The following TMEM64 variants were observed in gnomAD, a reference collection of about 807,000 sequenced individuals.
TMEM64 encodes the protein transmembrane protein 64.
A neutral mutation model predicts 24.5 loss-of-function variants in TMEM64; 19 were observed. The observed-to-expected ratio is 0.78, with a 90% CI of 0.54 to 1.14. The LOEUF (loss-of-function observed/expected upper bound fraction) is 1.14. Among genes scored for constraint, TMEM64 ranks in the 50% most tolerant of loss-of-function variants. The probability of loss-of-function intolerance (pLI) is 0.00; values close to 1 mark genes in which losing one functional copy is unlikely to be tolerated. For synonymous variants in TMEM64, 262 were observed against 224.7 expected (o/e 1.17, Z -1.49); for missense variants, 487 against 493.0 (o/e 0.99, Z 0.12).
At chr8:90,643,386 CA>C (rs1223720685) in intron 1 of TMEM64, among the ~76,000 whole-genome samples, 1 of 152,184 alleles carries the variant, frequency 6.6e-6, no homozygotes, top group Non-Finnish European at 1.5e-5. Flanking sequence ...CCTCATTTTA[CA>C]AATAAGAAAC....
intron 2 of TMEM64, among the ~76,000 whole-genome samples, chr8:90,627,205 A>G (rs1056228546): frequency 6.6e-6 from 1 of 152,108 alleles, no homozygotes; most frequent in Non-Finnish European, 1.5e-5. Context: ...GGGGGAGGAG[A>G]TAACAGAAGC....
At chr8:90,633,781 A>C (rs1057132314) in intron 1 of TMEM64, among the ~76,000 whole-genome samples, 1 of 152,070 alleles carries the variant, frequency 6.6e-6, no homozygotes, top group Non-Finnish European at 1.5e-5. Context: ...CATTTTCTAC[A>C]TATGTTTTTT....
At chr8:90,626,622 T>TTC (rs1207824418) in intron 2 of TMEM64, among the ~76,000 whole-genome samples, 2 of 133,668 alleles carry the variant, frequency 1.5e-5, no homozygotes, top group Non-Finnish European at 3.1e-5. Context: ...GTACTTTTTT[T>TTC]TTCTTTCTTT....
At chr8:90,632,185 C>T (rs1462904803) in intron 1 of TMEM64, among the ~76,000 whole-genome samples, 1 of 152,172 alleles carries the variant, frequency 6.6e-6, no homozygotes, top group Non-Finnish European at 1.5e-5. Flanking sequence ...CTTGCTCTGT[C>T]GCCCAGAGTG....
chr8:90,641,345 T>C (rs1260783238), intron 1 of TMEM64, among the ~76,000 whole-genome samples: 1 of 150,882 alleles, frequency 6.6e-6, no homozygotes, highest in Non-Finnish European at 1.5e-5. Context: ...ATAATTCTCA[T>C]GTATATGAAA....
chr8:90,624,852 A>G lies in TMEM64; in HGVS notation c.*819T>C, dbSNP rs1021980407. 1 of 152,564 alleles carries G rather than the reference A, an allele frequency of 6.6e-6. No individual in the cohort carries two copies. Among genetic ancestry groups the G allele is most frequent in the Non-Finnish European group, 1.5e-5 (1 of 67,974 alleles). The allele number at this position is 152,564 out of a possible 1,614,324, so 9.5% of individuals were successfully genotyped here. A position where few individuals can be genotyped will look rare whatever the true frequency, so the allele number is the denominator to read the frequency against. The stretch of plus-strand genomic sequence containing the variant: ...GCCTAATTATTAATATAAAAAGGAA[A>G]AGAGTTTATTTTAACAAAATGTTTT... On this transcript the variant is annotated 3_prime_UTR_variant, in exon 3 of 3. Transcript: ENST00000458549.
rs1809561091 is a variant in TMEM64 at position 90,638,867 on chromosome 8, C to A, written c.795+6244G>T. On this transcript the variant is annotated intron_variant, in intron 1 of 2. Coordinates refer to ENST00000458549, the MANE Select transcript of TMEM64 (RefSeq NM_001008495.4). ...CAGCAAAACTTACACCATGATTTAC[C>A]TAGAATGCTATTTCTCCACTGGAAT... Among the ~76,000 whole-genome samples, 3 of 152,188 alleles carry A rather than the reference C, an allele frequency of 2.0e-5. No individual in the cohort carries two copies. In the Middle Eastern group the frequency reaches 0.01, roughly 525 times the overall value.
chr8:90,623,185 CT>C lies in TMEM64; in HGVS notation c.*2485del, dbSNP rs766571308. 2 of 152,066 alleles carry C rather than the reference CT, an allele frequency of 1.3e-5. No homozygotes were observed. The highest frequency in any genetic ancestry group is 2.4e-5 in the African/African-American group (1 of 41,422). The allele number at this position is 152,066 out of a possible 1,614,324, so 9.4% of individuals were successfully genotyped here. A position where few individuals can be genotyped will look rare whatever the true frequency, so the allele number is the denominator to read the frequency against. Reference sequence around the variant, plus strand: ...TCATTTTTAAGTGTGCATTAAGCAACTTTATACTGCACTTTAACAGTCTGAG... The same window carrying C: ...TCATTTTTAAGTGTGCATTAAGCAACTTATACTGCACTTTAACAGTCTGAG... On this transcript the variant is annotated 3_prime_UTR_variant, in exon 3 of 3. Transcript: ENST00000458549.
chr8:90,633,303 T>A (rs764105046), intron 1 of TMEM64, among the ~76,000 whole-genome samples: 10 of 152,210 alleles, frequency 6.6e-5, no homozygotes, highest in Non-Finnish European at 1.2e-4. Context: ...CTAGCAAAAA[T>A]AGTCTGGAAA....
chr8:90,639,826 A>G (rs1396484526), intron 1 of TMEM64, among the ~76,000 whole-genome samples: 1 of 152,230 alleles, frequency 6.6e-6, no homozygotes, highest in Non-Finnish European at 1.5e-5. Context: ...GACAGAAAAA[A>G]CAAACATTGT....
In TMEM64 at chr8:90,625,437, C is replaced by T; in HGVS notation, c.*234G>A. ...CAATTAAAAAACACTAAAGTGCAGA[C>T]CTATAGGCCAATACAGGCATGATAA... On this transcript the variant is annotated 3_prime_UTR_variant, in exon 3 of 3. Transcript: ENST00000458549. 2 of 423,270 alleles carry T rather than the reference C, an allele frequency of 4.7e-6. No homozygotes were observed. The highest frequency in any genetic ancestry group is 3.8e-5 in the Admixed American group (1 of 26,508). The allele number at this position is 423,270 out of a possible 1,614,324, so 26.2% of individuals were successfully genotyped here. A position where few individuals can be genotyped will look rare whatever the true frequency, so the allele number is the denominator to read the frequency against.
chr8:90,643,786 A>C (rs991169702), intron 1 of TMEM64, among the ~76,000 whole-genome samples: 3 of 152,214 alleles, frequency 2.0e-5, no homozygotes, highest in Non-Finnish European at 2.9e-5. Flanking sequence ...TAAGACTAAG[A>C]CTATACCAAA....
chr8:90,641,854 G>T (rs1193864826), intron 1 of TMEM64, among the ~76,000 whole-genome samples: 1 of 152,168 alleles, frequency 6.6e-6, no homozygotes, highest in Non-Finnish European at 1.5e-5. Flanking sequence ...TGGTGAGAAA[G>T]AAATAGTAAA....
At chr8:90,642,720 A>G (rs1809622389) in intron 1 of TMEM64, among the ~76,000 whole-genome samples, 1 of 151,902 alleles carries the variant, frequency 6.6e-6, no homozygotes, top group Non-Finnish European at 1.5e-5. Context: ...GACATAACAG[A>G]CCATATCCAG....
intron 1 of TMEM64, among the ~76,000 whole-genome samples, chr8:90,639,858 C>T (rs540096877): frequency 2.0e-5 from 3 of 152,172 alleles, no homozygotes; most frequent in Admixed American, 1.3e-4. Context: ...TTAATAACCT[C>T]GTTGCTTTTA....
chr8:90,638,486 T>C (rs1057043232), intron 1 of TMEM64, among the ~76,000 whole-genome samples: 2 of 152,212 alleles, frequency 1.3e-5, no homozygotes, highest in Admixed American at 1.3e-4. Flanking sequence ...CAGAACACTA[T>C]ACTTCCCTGT....
At chr8:90,628,284 TAAG>T (rs1250033908) in intron 2 of TMEM64, among the ~76,000 whole-genome samples, 3 of 152,180 alleles carry the variant, frequency 2.0e-5, no homozygotes, top group Non-Finnish European at 2.9e-5. Context: ...GGCAGGAACA[TAAG>T]AAGTTAACAG....
Position 90,645,240 on chromosome 8 carries a change from G to C in TMEM64, c.666C>G (p.Ala222=), listed in dbSNP as rs759659301. The change falls in exon 1 of 3, where the codon GCC becomes GCG. Residue 222 remains alanine, a synonymous_variant. Coordinates refer to ENST00000458549, the MANE Select transcript of TMEM64 (RefSeq NM_001008495.4). This position sits in a 1 kb window ranked among gnomAD's most constrained non-coding sequence, Gnocchi z 4.2. ...VCKRLLTAWV[A]ARIQSSEKLS... ...GCTTCTCGCTGCTCTGGATCCTGGC[G>C]GCCACCCAGGCGGTGAGGAGCCGCT... 2.0e-5 allele frequency: 32 copies of C among 1,613,752 alleles called. 1 individual carries two copies. In the South Asian group the frequency reaches 3.4e-4, roughly 17 times the overall value.
At position 90,645,838 on chromosome 8, in the gene TMEM64, C is replaced by G. The variant is rs910901439; in HGVS notation, c.68G>C (p.Gly23Ala). 3 of 1,096,762 alleles carry G rather than the reference C, an allele frequency of 2.7e-6. No individual in the cohort carries two copies. In the African/African-American group the frequency reaches 5.0e-5, roughly 18 times the overall value. 67.9% of individuals were successfully genotyped at this position (1,096,762 alleles called of 1,614,324 possible). A position where few individuals can be genotyped will look rare whatever the true frequency, so the allele number is the denominator to read the frequency against. The change falls in exon 1 of 3, where the codon GGC becomes GCC. Residue 23 changes from glycine to alanine, a missense_variant. Physicochemically the swap from Gly to Ala is moderately conservative, Grantham distance 60. This residue lies in a region of TMEM64 where 419 missense variants were observed against 407.5 expected (regional missense o/e 1.03). Coordinates refer to ENST00000458549, the MANE Select transcript of TMEM64 (RefSeq NM_001008495.4). The surrounding 1 kb of genome is among the most constrained non-coding windows in gnomAD (Gnocchi z 4.2). Reference protein sequence around the residue: ...PRLLQHAALPGLAELPARWAL... With the variant: ...PRLLQHAALPALAELPARWAL... ...CCAGCGGGCCGGCAGCTCGGCGAGG[C>G]CCGGGAGGGCGGCGTGCTGCAGCAG... is the stretch of plus-strand genomic sequence containing the variant.
Sources: allele counts gnomAD v4.1 joint callset (sites outside exome capture counted in the v4.1 genomes callset), GRCh38; gene constraint gnomAD v4.1.1; regional missense constraint gnomAD v4.1.1; non-coding constraint Gnocchi (gnomAD v3.1); transcripts MANE v1.5; gene names NCBI Gene and HGNC (gene_info 2026-07-23, HGNC 2026-07-21).